INTS9: variants seen among roughly 807,000 people sequenced by gnomAD.
INTS9 encodes integrator complex subunit 9.
Under a neutral mutation model 79.7 loss-of-function variants are expected in INTS9, and 55 were observed. That is an observed-to-expected ratio of 0.69 (90% CI 0.56 to 0.86). The LOEUF is 0.86. Among genes scored for constraint, INTS9 ranks in the 40% least tolerant of loss-of-function variants. INTS9 has a pLI of 0.00. For synonymous variants in INTS9, 319 were observed against 325.2 expected (o/e 0.98, Z 0.20); for missense variants, 721 against 831.5 (o/e 0.87, Z 1.64).
chr8:28,849,269 G>A lies in INTS9; in HGVS notation c.198+944C>T, dbSNP rs186490704. On this transcript the variant is annotated intron_variant, in intron 3 of 16. Coordinates refer to ENST00000521022, the MANE Select transcript of INTS9 (RefSeq NM_018250.4). ...CTTCTTATACCTCTGATTTTAGTAC[G>A]AAGTTTGACTAGCTTATAGTTGTAA... Among the ~76,000 whole-genome samples the A allele has an allele frequency of 1.9e-3, 290 of 152,260 alleles. 6 individuals carry two copies. The highest frequency in any genetic ancestry group is 2.0e-3 in the Admixed American group (30 of 15,300).
intron 1 of INTS9, among the ~76,000 whole-genome samples, chr8:28,881,338 C>T (rs1282523394): frequency 1.2e-4 from 16 of 134,798 alleles, no homozygotes; most frequent in Middle Eastern, 4.9e-3. Flanking sequence ...CCGCCCCGTC[C>T]GGGAGGTGAG....
chr8:28,779,723 TGTG>T (rs1803130050), intron 12 of INTS9, among the ~76,000 whole-genome samples: 1 of 152,190 alleles, frequency 6.6e-6, no homozygotes, highest in African/African-American at 2.4e-5. Flanking sequence ...ACCCATGGTG[TGTG>T]TTCCCCTTGC....
chr8:28,864,954 C>T (rs1328130967), intron 1 of INTS9, among the ~76,000 whole-genome samples: 1 of 150,284 alleles, frequency 6.7e-6, no homozygotes, highest in Non-Finnish European at 1.5e-5. Context: ...CCACTGCACT[C>T]CCTCCTCAGA....
At chr8:28,843,227 T>C (rs550233459) in intron 4 of INTS9, among the ~76,000 whole-genome samples, 1 of 152,350 alleles carries the variant, frequency 6.6e-6, no homozygotes, top group South Asian at 2.1e-4. Context: ...TTGGCCACTT[T>C]ATAGGTAAAG....
intron 6 of INTS9, 79 bp from the exon 7 acceptor site, chr8:28,813,691 A>T: frequency 6.7e-7 from 1 of 1,495,328 alleles, no homozygotes; most frequent in Non-Finnish European, 9.2e-7. Flanking sequence ...TAATTTGTCC[A>T]TTTGATCCAA....
At chr8:28,833,885 C>T (rs1219627885) in intron 6 of INTS9, among the ~76,000 whole-genome samples, 5 of 152,108 alleles carry the variant, frequency 3.3e-5, no homozygotes, top group African/African-American at 1.2e-4. Flanking sequence ...TACCATGTTT[C>T]TCCTTACTTC....
intron 8 of INTS9, among the ~76,000 whole-genome samples, chr8:28,801,911 C>T (rs1804549719): frequency 6.6e-6 from 1 of 152,186 alleles, no homozygotes; most frequent in South Asian, 2.1e-4. Flanking sequence ...CCAGGCCCAA[C>T]CAGTGCCAGA....
chr8:28,827,356 G>GT (rs142396442), intron 6 of INTS9, among the ~76,000 whole-genome samples: 2,475 of 152,270 alleles, frequency 0.016, 66 homozygotes, highest in African/African-American at 0.056. Flanking sequence ...ACACTTTTGT[G>GT]TTTTTATTAA....
chr8:28,863,599 A>C (rs1808568877), intron 1 of INTS9, among the ~76,000 whole-genome samples: 2 of 152,184 alleles, frequency 1.3e-5, no homozygotes, highest in Non-Finnish European at 2.9e-5. Flanking sequence ...AATACGGTGA[A>C]ACCTTGTCTC....
At chr8:28,805,751 TA>T (rs989060070) in intron 8 of INTS9, among the ~76,000 whole-genome samples, 5 of 151,580 alleles carry the variant, frequency 3.3e-5, no homozygotes, top group African/African-American at 1.2e-4. Context: ...AACTAAGAAA[TA>T]ACTCAGAAGA....
At chr8:28,774,710 A>G (rs903784590) in intron 14 of INTS9, among the ~76,000 whole-genome samples, 1 of 152,204 alleles carries the variant, frequency 6.6e-6, no homozygotes, top group African/African-American at 2.4e-5. Context: ...AAGTTTGGGC[A>G]CACTGGTTTT....
At chr8:28,821,170 C>G (rs1805804124) in intron 6 of INTS9, among the ~76,000 whole-genome samples, 1 of 152,078 alleles carries the variant, frequency 6.6e-6, no homozygotes, top group Non-Finnish European at 1.5e-5. Flanking sequence ...ATAAACGACC[C>G]AGAGGACAAT....
chr8:28,823,960 C>A (rs1399379254), intron 6 of INTS9, among the ~76,000 whole-genome samples: 1 of 152,176 alleles, frequency 6.6e-6, no homozygotes, highest in East Asian at 1.9e-4. Context: ...ATTTTCATTA[C>A]CTTCTACATA....
chr8:28,788,160 G>A (rs931119417), intron 10 of INTS9, among the ~76,000 whole-genome samples: 8 of 152,296 alleles, frequency 5.3e-5, no homozygotes, highest in African/African-American at 1.9e-4. Context: ...TGCAAAGACA[G>A]TACAGAGTTT....
intron 8 of INTS9, among the ~76,000 whole-genome samples, chr8:28,806,841 CTGAG>C: frequency 6.6e-6 from 1 of 152,028 alleles, no homozygotes. Context: ...TGACAAAGCA[CTGAG>C]TATCAAAAAT....
chr8:28,843,281 TAG>T (rs1807305785), intron 4 of INTS9, among the ~76,000 whole-genome samples: 1 of 152,236 alleles, frequency 6.6e-6, no homozygotes, highest in South Asian at 2.1e-4. Flanking sequence ...CACAAAACAG[TAG>T]AGTTAGCCTA....
At chr8:28,818,085 TGTC>T (rs1429025171) in intron 6 of INTS9, among the ~76,000 whole-genome samples, 1 of 146,468 alleles carries the variant, frequency 6.8e-6, no homozygotes, top group Non-Finnish European at 1.5e-5. Context: ...TATACAATCA[TGTC>T]GTCTGCAAAC....
At chr8:28,788,548 A>C (rs1010301578) in intron 10 of INTS9, among the ~76,000 whole-genome samples, 4 of 152,106 alleles carry the variant, frequency 2.6e-5, no homozygotes, top group African/African-American at 9.7e-5. Flanking sequence ...CCTCCCAAGT[A>C]GCTGGGATTA....
chr8:28,825,457 C>T (rs1263014108), intron 6 of INTS9, among the ~76,000 whole-genome samples: 1 of 152,218 alleles, frequency 6.6e-6, no homozygotes, highest in Non-Finnish European at 1.5e-5. Flanking sequence ...TGCTTTCTTT[C>T]TGCGATTTTC....
Sources: allele counts gnomAD v4.1 joint callset (sites outside exome capture counted in the v4.1 genomes callset), GRCh38; gene constraint gnomAD v4.1.1; transcripts MANE v1.5; gene names NCBI Gene and HGNC (gene_info 2026-07-23, HGNC 2026-07-21).